The following TTC28 variants were observed in gnomAD, a reference collection of about 807,000 sequenced individuals.
TTC28 encodes tetratricopeptide repeat protein 28.
TTC28 carries 61 observed loss-of-function variants against 198.0 expected under a neutral mutation model. That is an observed-to-expected ratio of 0.31 (90% CI 0.25 to 0.38). TTC28 has a LOEUF of 0.38. TTC28 is among the 10% of genes least tolerant of loss of function. The pLI, the probability that TTC28 is intolerant of heterozygous loss-of-function variation, is 1.00. For missense variants in TTC28, 2,678 were observed against 3,164.0 expected (o/e 0.85, Z 3.69); for synonymous variants, 1,171 against 1,297.8 (o/e 0.90, Z 2.10).
At position 28,403,089 on chromosome 22, in the gene TTC28, C is replaced by A. The variant is rs186849527; in HGVS notation, c.382-96446G>T. Among the ~76,000 whole-genome samples, 5 of 152,300 alleles carry A rather than the reference C, an allele frequency of 3.3e-5. No individual in the cohort carries two copies. The East Asian group carries it at 9.7e-4, about 29-fold the overall frequency. On this transcript the variant is annotated intron_variant, in intron 2 of 22. Coordinates refer to ENST00000397906, the MANE Select transcript of TTC28 (RefSeq NM_001145418.2). ...CTAAAGATGTTGTGCTTTTGTATCTCCTTACTGGGCTTAATCTGTTAATTA... is the reference window on the plus strand; with the variant it reads ...CTAAAGATGTTGTGCTTTTGTATCTACTTACTGGGCTTAATCTGTTAATTA...
At chr22:28,467,028 T>C (rs1182373811) in intron 2 of TTC28, among the ~76,000 whole-genome samples, 2 of 152,218 alleles carry the variant, frequency 1.3e-5, no homozygotes, top group Non-Finnish European at 2.9e-5. Context: ...TATACTTTGT[T>C]AATATAAATC....
chr22:28,092,152 A>G (rs1401830287), intron 12 of TTC28, among the ~76,000 whole-genome samples: 1 of 152,232 alleles, frequency 6.6e-6, no homozygotes, highest in African/African-American at 2.4e-5. Context: ...GAGAATGTAC[A>G]TAATACCTGG....
chr22:28,283,650 C>T (rs926681360), intron 5 of TTC28, among the ~76,000 whole-genome samples: 1 of 152,022 alleles, frequency 6.6e-6, no homozygotes, highest in African/African-American at 2.4e-5. Context: ...CTTCATTCTT[C>T]ACAATCACAA....
chr22:28,550,860 G>T (rs975487747), intron 2 of TTC28, among the ~76,000 whole-genome samples: 1 of 152,000 alleles, frequency 6.6e-6, no homozygotes, highest in East Asian at 1.9e-4. Context: ...AAAGGGGGTG[G>T]AAAAAGATAT....
At chr22:28,062,413 CTTT>C (rs57398979) in intron 12 of TTC28, among the ~76,000 whole-genome samples, 3,395 of 102,300 alleles carry the variant, frequency 0.033, 101 homozygotes, top group African/African-American at 0.092. Flanking sequence ...TTTAACTCTT[CTTT>C]TTTTTTTTTT....
At chr22:28,552,819 G>A (rs2049703875) in intron 2 of TTC28, among the ~76,000 whole-genome samples, 1 of 141,098 alleles carries the variant, frequency 7.1e-6, no homozygotes, top group Admixed American at 7.1e-5. Flanking sequence ...TCTTTCCACG[G>A]TCTCCCTCTG....
At chr22:27,990,716 G>C in intron 20 of TTC28, 73 bp downstream of exon 20, 3 of 1,459,684 alleles carry the variant, frequency 2.1e-6, no homozygotes, top group Non-Finnish European at 2.8e-6. Context: ...CTCAGAGCCT[G>C]CCCAGGGGAA....
At chr22:28,165,554 C>T (rs1020542444) in intron 5 of TTC28, among the ~76,000 whole-genome samples, 1 of 152,010 alleles carries the variant, frequency 6.6e-6, no homozygotes, top group African/African-American at 2.4e-5. Flanking sequence ...ATTTTCAACC[C>T]AGAATTTCAT....
chr22:28,188,852 A>G (rs1762814313), intron 5 of TTC28, among the ~76,000 whole-genome samples: 1 of 152,208 alleles, frequency 6.6e-6, no homozygotes, highest in South Asian at 2.1e-4. Flanking sequence ...TTCAACCTGC[A>G]TTGAAACCAT....
At chr22:28,126,553 T>C (rs1318526597) in intron 6 of TTC28, among the ~76,000 whole-genome samples, 1 of 152,186 alleles carries the variant, frequency 6.6e-6, no homozygotes, top group Non-Finnish European at 1.5e-5. Context: ...ACTATGTTGA[T>C]TTAGATGGAA....
At chr22:28,396,658 A>G (rs2046822831) in intron 2 of TTC28, among the ~76,000 whole-genome samples, 1 of 152,236 alleles carries the variant, frequency 6.6e-6, no homozygotes, top group Non-Finnish European at 1.5e-5. Flanking sequence ...CTAAAAGGCA[A>G]GAATGCCAAG....
chr22:28,489,037 A>T (rs916505970), intron 2 of TTC28, among the ~76,000 whole-genome samples: 32 of 152,160 alleles, frequency 2.1e-4, no homozygotes, highest in Non-Finnish European at 2.8e-4. Context: ...TAATCCCAGC[A>T]CTTTCAGAGG....
At chr22:28,073,881 C>A (rs576882845) in intron 12 of TTC28, among the ~76,000 whole-genome samples, 1 of 152,156 alleles carries the variant, frequency 6.6e-6, no homozygotes, top group Non-Finnish European at 1.5e-5. Context: ...CCCCAGTTTA[C>A]CCACAGACCC....
chr22:27,983,268 T>C lies in TTC28; in HGVS notation c.6399A>G (p.Thr2133=). 1.3e-6 allele frequency: 2 copies of C among 1,552,060 alleles called. No individual in the cohort carries two copies. The highest frequency in any genetic ancestry group is 1.2e-5 in the South Asian group (1 of 84,062). The part of the protein sequence containing the change: ...QKVGKLASSD[T]GESDQSSTET... The stretch of plus-strand genomic sequence containing the variant: ...CTGTGCTAGACTGGTCTGATTCTCC[T>C]GTATCTGAGCTTGCTAGTTTTCCCA... Residue 2133 remains threonine (T), a synonymous_variant, in exon 23 of 23, where the codon ACA becomes ACG. Coordinates refer to ENST00000397906, the MANE Select transcript of TTC28 (RefSeq NM_001145418.2).
At chr22:28,056,872 C>T (rs1940312361) in intron 12 of TTC28, among the ~76,000 whole-genome samples, 1 of 152,148 alleles carries the variant, frequency 6.6e-6, no homozygotes, top group Non-Finnish European at 1.5e-5. Context: ...TCTAGAACTT[C>T]ACATAAATGG....
At chr22:28,347,845 C>G (rs1195377312) in intron 2 of TTC28, among the ~76,000 whole-genome samples, 1 of 152,236 alleles carries the variant, frequency 6.6e-6, no homozygotes, top group Non-Finnish European at 1.5e-5. Flanking sequence ...TGCCACTGCA[C>G]TTCAGGGTGA....
At chr22:28,526,162 ACTT>A (rs2049000294) in intron 2 of TTC28, among the ~76,000 whole-genome samples, 1 of 152,342 alleles carries the variant, frequency 6.6e-6, no homozygotes, top group African/African-American at 2.4e-5. Flanking sequence ...ACCTCTTCAA[ACTT>A]CAATATTCTC....
At chr22:28,493,120 C>T (rs568832264) in intron 2 of TTC28, among the ~76,000 whole-genome samples, 3 of 149,800 alleles carry the variant, frequency 2.0e-5, no homozygotes, top group Admixed American at 1.3e-4. Flanking sequence ...ACTTTGGAGG[C>T]GAAGGCAGGT....
chr22:28,397,244 T>C (rs567321736), intron 2 of TTC28, among the ~76,000 whole-genome samples: 1 of 152,300 alleles, frequency 6.6e-6, no homozygotes, highest in South Asian at 2.1e-4. Flanking sequence ...GAGTTCTATA[T>C]AGCCCTTCAT....
Sources: allele counts gnomAD v4.1 joint callset (sites outside exome capture counted in the v4.1 genomes callset), GRCh38; gene constraint gnomAD v4.1.1; transcripts MANE v1.5; gene names NCBI Gene and HGNC (gene_info 2026-07-23, HGNC 2026-07-21).